Variants in SLC45A4 observed in about 807,000 individuals in gnomAD.
SLC45A4 encodes the protein solute carrier family 45 member 4.
SLC45A4 carries 32 observed loss-of-function variants against 63.7 expected under a neutral mutation model. The observed-to-expected ratio is 0.50, with a 90% CI of 0.38 to 0.67. The LOEUF is 0.67. Among genes scored for constraint, SLC45A4 ranks in the 30% least tolerant of loss-of-function variants. The pLI is 0.00. For synonymous variants in SLC45A4, 535 were observed against 510.0 expected (o/e 1.05, Z -0.66); for missense variants, 1,027 against 1,157.7 (o/e 0.89, Z 1.64).
At chr8:141,243,294 A>G (rs1182304464) in intron 2 of SLC45A4, among the ~76,000 whole-genome samples, 2 of 152,196 alleles carry the variant, frequency 1.3e-5, no homozygotes, top group African/African-American at 4.8e-5. Context: ...GACCGAGAGC[A>G]GCTCCGCCAG....
At chr8:141,301,074 C>A (rs930558206) in intron 1 of SLC45A4, among the ~76,000 whole-genome samples, 1 of 152,268 alleles carries the variant, frequency 6.6e-6, no homozygotes, top group African/African-American at 2.4e-5. Flanking sequence ...GCCTGAGAAG[C>A]TGCTGTGGAG....
chr8:141,211,621 T>TA lies in SLC45A4; in HGVS notation c.2377dup (p.Tyr793LeufsTer2), dbSNP rs760511500. On this transcript the variant is annotated frameshift_variant, in exon 9 of 9. Transcript: ENST00000517878. LOFTEE classifies it low-confidence loss of function (END_TRUNC). ...GAAAATTTTTTTTCTAAAATAATCA[T>TA]AAAGAAAAATACTCTCCAACAGCTG... 1.2e-5 allele frequency: 19 copies of TA among 1,612,114 alleles called. No homozygotes were observed. In the East Asian group the frequency reaches 3.6e-4, roughly 30 times the overall value.
At chr8:141,285,392 G>A (rs772030936) in intron 1 of SLC45A4, among the ~76,000 whole-genome samples, 2 of 152,190 alleles carry the variant, frequency 1.3e-5, no homozygotes, top group Non-Finnish European at 2.9e-5. Context: ...CCAGTTACAC[G>A]GGTTCGACCT....
chr8:141,246,238 A>G (rs192127372), intron 2 of SLC45A4, among the ~76,000 whole-genome samples: 1 of 152,324 alleles, frequency 6.6e-6, no homozygotes, highest in Non-Finnish European at 1.5e-5. Context: ...CAAACAGAAT[A>G]TTCTGAGCAC....
Position 141,244,297 on chromosome 8 carries a change from G to A in SLC45A4, c.241+9692C>T, listed in dbSNP as rs564083646. Among the ~76,000 whole-genome samples, 11 of 152,286 alleles carry A rather than the reference G, an allele frequency of 7.2e-5. No homozygotes were observed. The South Asian group carries it at 1.5e-3, about 20-fold the overall frequency. On this transcript the variant is annotated intron_variant, in intron 2 of 8. Transcript: ENST00000517878. The stretch of plus-strand genomic sequence containing the variant: ...ATGGAGTCCAGCCCATGCCTGGGCC[G>A]GAGGCAGAGTAGCCTCCAGCCTCCT...
intron 1 of SLC45A4, among the ~76,000 whole-genome samples, chr8:141,305,551 TAC>T (rs1830871091): frequency 6.6e-6 from 1 of 152,144 alleles, no homozygotes; most frequent in Non-Finnish European, 1.5e-5. Context: ...CTCCACAAAT[TAC>T]AGACACGACT....
At chr8:141,241,413 G>A (rs1005848332) in intron 2 of SLC45A4, among the ~76,000 whole-genome samples, 6 of 152,206 alleles carry the variant, frequency 3.9e-5, no homozygotes, top group Non-Finnish European at 8.8e-5. Flanking sequence ...CTTCGGGGAA[G>A]GGAGATGGGA....
chr8:141,212,016 A>G, intron 8 of SLC45A4, 181 bp downstream of exon 8: 1 of 1,321,194 alleles, frequency 7.6e-7, no homozygotes, highest in East Asian at 2.9e-5. Context: ...GCTCAAACCT[A>G]CCCTACGACT....
rs558231814 is a variant in SLC45A4, at chr8:141,249,007, G to T, written c.241+4982C>A. Among the ~76,000 whole-genome samples the T allele has an allele frequency of 1.9e-4, 25 of 133,372 alleles. No individual in the cohort carries two copies. In the East Asian group the frequency reaches 5.2e-3, roughly 28 times the overall value. The allele number at this position is 133,372 out of a possible 152,430, so 87.5% of individuals were successfully genotyped here. A position where few individuals can be genotyped will look rare whatever the true frequency, so the allele number is the denominator to read the frequency against. On this transcript the variant is annotated intron_variant, in intron 2 of 8. Transcript: ENST00000517878. Reference sequence around the variant, plus strand: ...CACTCCAGCCTGGGTGACAGAGTGAGACCCCATCTTAAAAAAAAAAAAAAA... The same window carrying T: ...CACTCCAGCCTGGGTGACAGAGTGATACCCCATCTTAAAAAAAAAAAAAAA...
rs954481776 is a variant in SLC45A4, at chr8:141,256,297, G to A, written c.-400-1668C>T. ...GCCCCTAAAAACACACCTAAATGGT[G>A]TTCACAGTTTATATTAAGGTAGGTC... On this transcript the variant is annotated intron_variant, in intron 1 of 8. Transcript: ENST00000517878. This position sits in a 1 kb window ranked among gnomAD's most constrained non-coding sequence, Gnocchi z 4.3. 1 of 305,500 alleles carries A rather than the reference G, an allele frequency of 3.3e-6. No homozygotes were observed. Among genetic ancestry groups the A allele is most frequent in the Non-Finnish European group, 6.6e-6 (1 of 151,208 alleles). 18.9% of individuals were successfully genotyped at this position (305,500 alleles called of 1,614,324 possible). A position where few individuals can be genotyped will look rare whatever the true frequency, so the allele number is the denominator to read the frequency against.
intron 2 of SLC45A4, among the ~76,000 whole-genome samples, chr8:141,237,987 A>C (rs997937240): frequency 6.6e-6 from 1 of 152,274 alleles, no homozygotes; most frequent in African/African-American, 2.4e-5. Flanking sequence ...CAGGCTTCCC[A>C]GTCTAAACAA....
At chr8:141,246,240 T>C (rs1453122016) in intron 2 of SLC45A4, among the ~76,000 whole-genome samples, 1 of 152,086 alleles carries the variant, frequency 6.6e-6, no homozygotes, top group Non-Finnish European at 1.5e-5. Flanking sequence ...AACAGAATAT[T>C]CTGAGCACGT....
At chr8:141,266,195 G>T (rs1445468973) in intron 1 of SLC45A4, among the ~76,000 whole-genome samples, 1 of 152,178 alleles carries the variant, frequency 6.6e-6, no homozygotes, top group South Asian at 2.1e-4. Flanking sequence ...ACACGCGTCC[G>T]CACGGTGACC....
intron 1 of SLC45A4, among the ~76,000 whole-genome samples, chr8:141,272,033 TCA>T (rs948570590): frequency 6.6e-6 from 1 of 150,870 alleles, no homozygotes; most frequent in Non-Finnish European, 1.5e-5. Context: ...ACACATGCAT[TCA>T]CACACGTGTG....
chr8:141,216,129 C>T (rs987680625), intron 6 of SLC45A4, among the ~76,000 whole-genome samples, 159 bp from the exon 7 acceptor site: 1 of 152,050 alleles, frequency 6.6e-6, no homozygotes, highest in African/African-American at 2.4e-5. Context: ...CACAGGCCTC[C>T]GGCACGTATT....
intron 2 of SLC45A4, among the ~76,000 whole-genome samples, chr8:141,251,492 T>C (rs1828462966): frequency 6.6e-6 from 1 of 151,640 alleles, no homozygotes; most frequent in Non-Finnish European, 1.5e-5. Context: ...GTGGGTTCTG[T>C]CCACCCTCCG....
At chr8:141,220,856 G>GGA in intron 3 of SLC45A4, among the ~76,000 whole-genome samples, 1 of 152,378 alleles carries the variant, frequency 6.6e-6, no homozygotes, top group East Asian at 1.9e-4. Flanking sequence ...CGAGGGACAC[G>GGA]GACAGGCAGG....
At chr8:141,264,558 G>A (rs1377342031) in intron 1 of SLC45A4, among the ~76,000 whole-genome samples, 1 of 152,128 alleles carries the variant, frequency 6.6e-6, no homozygotes, top group East Asian at 1.9e-4. Context: ...CTTTTGATTC[G>A]CTCTGGGAAA....
chr8:141,274,531 T>C (rs1206977911), intron 1 of SLC45A4, among the ~76,000 whole-genome samples: 1 of 106,120 alleles, frequency 9.4e-6, no homozygotes, highest in African/African-American at 3.4e-5. Flanking sequence ...AGAAACTCGG[T>C]CTCAAAAAAA....
Sources: allele counts gnomAD v4.1 joint callset (sites outside exome capture counted in the v4.1 genomes callset), GRCh38; gene constraint gnomAD v4.1.1; non-coding constraint Gnocchi (gnomAD v3.1); transcripts MANE v1.5; gene names NCBI Gene and HGNC (gene_info 2026-07-23, HGNC 2026-07-21).